Variants in SEMA3A observed in about 807,000 individuals in gnomAD.
SEMA3A encodes the protein semaphorin-3A.
In SEMA3A, 29 loss-of-function variants were observed where a neutral mutation model predicts 97.9. The observed-to-expected ratio is 0.30, with a 90% confidence interval of 0.22 to 0.40. The LOEUF (loss-of-function observed/expected upper bound fraction) is 0.40, where lower values mean the gene tolerates loss of function less well. SEMA3A is among the 10% of genes least tolerant of loss of function. The pLI, the probability that SEMA3A is intolerant of heterozygous loss-of-function variation, is 1.00. For synonymous variants in SEMA3A, 321 were observed against 323.7 expected, an observed-to-expected ratio of 0.99 and a Z score of 0.09; for missense variants, 763 against 951.3, an observed-to-expected ratio of 0.80 and a Z score of 2.60.
intron 5 of SEMA3A, among the ~76,000 whole-genome samples, chr7:84,059,398 T>G (rs1793125501): frequency 6.6e-6 from 1 of 152,002 alleles, no homozygotes; most frequent in Non-Finnish European, 1.5e-5. Flanking sequence ...AAGAAAACAC[T>G]AGAAAATACA....
chr7:84,161,123 T>G (rs997997558), intron 1 of SEMA3A, among the ~76,000 whole-genome samples: 4 of 151,984 alleles, frequency 2.6e-5, no homozygotes, highest in African/African-American at 9.7e-5. Flanking sequence ...CCCAGCACTT[T>G]GGGAGGCCGA....
intron 6 of SEMA3A, among the ~76,000 whole-genome samples, chr7:84,024,057 T>G (rs993237376): frequency 1.4e-4 from 21 of 151,556 alleles, no homozygotes; most frequent in African/African-American, 4.8e-4. Context: ...TACATACACA[T>G]TCTTTTCTTC....
chr7:84,423,959 G>T (rs898137197), intron 1 of SEMA3A, among the ~76,000 whole-genome samples: 2 of 151,826 alleles, frequency 1.3e-5, no homozygotes, highest in African/African-American at 2.4e-5. Context: ...CCTTACCCCA[G>T]CAAGAATGGC....
intron 3 of SEMA3A, among the ~76,000 whole-genome samples, chr7:84,278,931 G>T (rs1800374395): frequency 1.3e-5 from 2 of 151,802 alleles, no homozygotes; most frequent in South Asian, 4.2e-4. Context: ...CTAGCATAAG[G>T]GACTTCCACT....
At chr7:84,210,370 G>T (rs560643326) in intron 3 of SEMA3A, among the ~76,000 whole-genome samples, 84 of 152,262 alleles carry the variant, frequency 5.5e-4, no homozygotes, top group African/African-American at 2.0e-3. Flanking sequence ...TGATGAGTAA[G>T]AGCAGGTGAA....
chr7:84,369,282 ATTAT>A (rs1802921323), intron 2 of SEMA3A, among the ~76,000 whole-genome samples: 1 of 150,980 alleles, frequency 6.6e-6, no homozygotes, highest in Non-Finnish European at 1.5e-5. Context: ...AAAGTGCATT[ATTAT>A]CTTTCTTTGG....
At chr7:84,269,465 A>AT (rs56195850) in intron 3 of SEMA3A, among the ~76,000 whole-genome samples, 10,867 of 152,072 alleles carry the variant, frequency 0.071, 541 homozygotes, top group Non-Finnish European at 0.084. Flanking sequence ...TTTAGAGCTT[A>AT]TAGGGACCTA....
intron 4 of SEMA3A, among the ~76,000 whole-genome samples, chr7:84,081,157 C>T (rs62473959): frequency 0.53 from 80,399 of 151,624 alleles, 22,250 homozygotes; most frequent in East Asian, 0.61. Flanking sequence ...TGTAGCTAGA[C>T]CTAGATATAG....
chr7:83,966,486 A>G (rs1000206432), intron 15 of SEMA3A, among the ~76,000 whole-genome samples: 4 of 152,130 alleles, frequency 2.6e-5, no homozygotes, highest in Non-Finnish European at 5.9e-5. Flanking sequence ...CCAGTACCTC[A>G]AAGTCTCATT....
intron 1 of SEMA3A, among the ~76,000 whole-genome samples, chr7:84,161,445 G>C (rs1409795506): frequency 6.6e-6 from 1 of 152,068 alleles, no homozygotes; most frequent in Non-Finnish European, 1.5e-5. Flanking sequence ...ACTGTCTATA[G>C]TACAAATCAT....
chr7:84,204,967 G>A (rs1006730697), intron 3 of SEMA3A, among the ~76,000 whole-genome samples: 17 of 152,232 alleles, frequency 1.1e-4, no homozygotes, highest in Non-Finnish European at 1.6e-4. Context: ...AGAAAGAATC[G>A]TATCTTTTAT....
intron 2 of SEMA3A, among the ~76,000 whole-genome samples, chr7:84,322,637 T>C (rs1423672037): frequency 6.6e-6 from 1 of 152,186 alleles, no homozygotes; most frequent in African/African-American, 2.4e-5. Flanking sequence ...GCCATGATTG[T>C]GAGGCCTCCC....
chr7:84,326,320 A>G (rs1446891518), intron 2 of SEMA3A, among the ~76,000 whole-genome samples: 1 of 152,158 alleles, frequency 6.6e-6, no homozygotes, highest in Non-Finnish European at 1.5e-5. Flanking sequence ...TTAATTCTAT[A>G]GTATAAAGAG....
At chr7:84,293,990 T>A (rs1800811037) in intron 3 of SEMA3A, among the ~76,000 whole-genome samples, 1 of 152,026 alleles carries the variant, frequency 6.6e-6, no homozygotes. Flanking sequence ...ACAAAACATG[T>A]CAAAAGAAAG....
At chr7:84,040,827 G>C (rs573746460) in intron 6 of SEMA3A, among the ~76,000 whole-genome samples, 6 of 151,904 alleles carry the variant, frequency 3.9e-5, no homozygotes, top group Non-Finnish European at 7.4e-5. Context: ...AAAAACAAGA[G>C]GAAAAAGGAA....
rs1802052129 is a variant in SEMA3A at position 84,336,996 on chromosome 7, T to G, written c.-168-29704A>C. Among the ~76,000 whole-genome samples the G allele has an allele frequency of 2.0e-5, 3 of 152,058 alleles. No homozygotes were observed. In the South Asian group the frequency reaches 6.2e-4, roughly 32 times the overall value. ...TTTTTGCTGCAGAACTAGATCAGTG[T>G]TGTGGTTAGGAAGGAATATTATGCA... On this transcript the variant is annotated intron_variant, in intron 2 of 3. Transcript: ENST00000424555.
intron 3 of SEMA3A, among the ~76,000 whole-genome samples, chr7:84,251,309 C>A (rs979433084): frequency 2.6e-5 from 4 of 152,108 alleles, no homozygotes; most frequent in Admixed American, 1.3e-4. Flanking sequence ...ATCAAGAGAG[C>A]AGCTGGGCTG....
chr7:84,404,209 G>A (rs142176096), intron 1 of SEMA3A, among the ~76,000 whole-genome samples: 4 of 152,246 alleles, frequency 2.6e-5, no homozygotes, highest in East Asian at 1.9e-4. Flanking sequence ...AGGACCTGAT[G>A]GAGCTGAAAA....
intron 1 of SEMA3A, among the ~76,000 whole-genome samples, chr7:84,444,825 G>A (rs1258136091): frequency 6.6e-6 from 1 of 152,052 alleles, no homozygotes; most frequent in East Asian, 1.9e-4. Flanking sequence ...CTCCCAAAGT[G>A]CTGGGATTAC....
Sources: allele counts gnomAD v4.1 joint callset (sites outside exome capture counted in the v4.1 genomes callset), GRCh38; gene constraint gnomAD v4.1.1; transcripts MANE v1.5; gene names NCBI Gene and HGNC (gene_info 2026-07-23, HGNC 2026-07-21).